Variants in SLC4A4 observed in about 807,000 individuals in gnomAD.
SLC4A4 encodes the protein solute carrier family 4 member 4.
SLC4A4 carries 27 observed loss-of-function variants against 111.5 expected under a neutral mutation model. That is an observed-to-expected ratio of 0.24 (90% CI 0.18 to 0.33). The LOEUF (loss-of-function observed/expected upper bound fraction) is 0.33. Ranked by LOEUF, SLC4A4 falls within the 10% of genes least tolerant of loss-of-function variation. The pLI, the probability that SLC4A4 is intolerant of heterozygous loss-of-function variation, is 1.00. For synonymous variants in SLC4A4, 443 were observed against 463.4 expected, an observed-to-expected ratio of 0.96 and a Z score of 0.57; for missense variants, 909 against 1,315.5, an observed-to-expected ratio of 0.69 and a Z score of 4.78.
chr4:71,169,450 G>A (rs141237226), intron 2 of SLC4A4, among the ~76,000 whole-genome samples: 2 of 152,104 alleles, frequency 1.3e-5, no homozygotes, highest in African/African-American at 2.4e-5. Flanking sequence ...TCTGATGATC[G>A]ATGATGTCGA....
At chr4:71,252,444 A>G (rs1721131931) in intron 2 of SLC4A4, among the ~76,000 whole-genome samples, 2 of 152,186 alleles carry the variant, frequency 1.3e-5, no homozygotes, top group African/African-American at 4.8e-5. Flanking sequence ...TTGCTTAACC[A>G]TGGAACTATG....
intron 2 of SLC4A4, among the ~76,000 whole-genome samples, chr4:71,106,997 A>T (rs1326260756): frequency 1.3e-5 from 2 of 151,922 alleles, no homozygotes; most frequent in African/African-American, 4.8e-5. Flanking sequence ...AAATTAAAAA[A>T]AAAATAAAGT....
chr4:71,096,673 A>C (rs1448395317), intron 2 of SLC4A4, among the ~76,000 whole-genome samples: 1 of 152,196 alleles, frequency 6.6e-6, no homozygotes, highest in Non-Finnish European at 1.5e-5. Flanking sequence ...CTGACAGGAC[A>C]CTGTGGAATT....
chr4:71,357,142 A>G lies in SLC4A4; in HGVS notation c.685A>G (p.Lys229Glu). 1 of 1,614,200 alleles carries G rather than the reference A, an allele frequency of 6.2e-7. No homozygotes were observed. Among genetic ancestry groups the G allele is most frequent in the Non-Finnish European group, 8.5e-7 (1 of 1,180,030 alleles). ...CCTTCGGTCCCTGGCTGACATTGGG[A>G]AGACAGTCTCCAGTGCAAGTAGGAT... ...SNLRSLADIG[K>E]TVSSASRMFT... Residue 229 changes from lysine to glutamate, a missense_variant, in exon 6 of 26, where the codon AAG (lysine) becomes GAG (glutamate). Transcript: ENST00000264485.
intron 16 of SLC4A4, among the ~76,000 whole-genome samples, chr4:71,519,129 A>G (rs759626163): frequency 1.3e-4 from 20 of 152,186 alleles, no homozygotes; most frequent in Non-Finnish European, 2.6e-4. Flanking sequence ...AAGTATTTTA[A>G]TCAGTGCCTA....
chr4:71,078,252 G>C (rs913313825), intron 1 of SLC4A4, among the ~76,000 whole-genome samples: 1 of 151,982 alleles, frequency 6.6e-6, no homozygotes, highest in African/African-American at 2.4e-5. Flanking sequence ...TTATTTGCCA[G>C]ACATTAGCCA....
At chr4:71,176,625 G>C (rs1745103568) in intron 2 of SLC4A4, among the ~76,000 whole-genome samples, 1 of 152,142 alleles carries the variant, frequency 6.6e-6, no homozygotes, top group Non-Finnish European at 1.5e-5. Context: ...GAGAAGTTTA[G>C]AGAAAAAAGA....
At position 71,333,098 on chromosome 4, in the gene SLC4A4, A is replaced by G. The variant is rs1728150125; in HGVS notation, c.254-6272A>G. ...TGTATATATTTGTCAATGTCTGAGCATTGAAGAGTTAGGTATTTATTGTAG... is the reference window on the plus strand; with the variant it reads ...TGTATATATTTGTCAATGTCTGAGCGTTGAAGAGTTAGGTATTTATTGTAG... On this transcript the variant is annotated intron_variant, in intron 3 of 25. Coordinates refer to ENST00000264485, the MANE Select transcript of SLC4A4 (RefSeq NM_001098484.3). Among the ~76,000 whole-genome samples, 3 of 152,188 alleles carry G rather than the reference A, an allele frequency of 2.0e-5. 1 individual carries two copies. Among genetic ancestry groups the G allele is most frequent in the African/African-American group, 7.2e-5 (3 of 41,458 alleles).
chr4:71,196,537 G>C (rs1023909689), intron 1 of SLC4A4, among the ~76,000 whole-genome samples: 1 of 152,006 alleles, frequency 6.6e-6, no homozygotes, highest in Non-Finnish European at 1.5e-5. Flanking sequence ...CAGTTGAATT[G>C]ATCACTTTAT....
At chr4:71,160,454 C>T (rs1443422348) in intron 2 of SLC4A4, among the ~76,000 whole-genome samples, 1 of 151,886 alleles carries the variant, frequency 6.6e-6, no homozygotes, top group Non-Finnish European at 1.5e-5. Flanking sequence ...GAGCTATTCT[C>T]ATGTGGAACG....
chr4:71,284,786 T>C (rs948474943), intron 3 of SLC4A4, among the ~76,000 whole-genome samples: 2 of 152,214 alleles, frequency 1.3e-5, no homozygotes, highest in African/African-American at 4.8e-5. Context: ...TTCTTTTATA[T>C]ATCTGTATTC....
At chr4:71,228,911 G>A (rs1004866535) in intron 1 of SLC4A4, among the ~76,000 whole-genome samples, 5 of 152,074 alleles carry the variant, frequency 3.3e-5, no homozygotes, top group African/African-American at 1.2e-4. Context: ...CACATTTCCT[G>A]TTTTACTTGT....
In SLC4A4 at chr4:71,557,771, C is replaced by T. The variant is rs1736603953; in HGVS notation, c.2823C>T (p.Tyr941=). ...MPLKHQPDFI[Y]LRHVPLRRVH... ...TGAAGCATCAGCCTGACTTCATCTA[C>T]CTGCGTCATGTTCCTCTGCGCAGAG... The change falls in exon 22 of 26, where the codon TAC becomes TAT. Residue 941 remains tyrosine, a synonymous_variant. Transcript: ENST00000264485. The T allele has an allele frequency of 6.2e-7, 1 of 1,612,666 alleles. No homozygotes were observed. Among genetic ancestry groups the T allele is most frequent in the African/African-American group, 1.3e-5 (1 of 74,812 alleles).
chr4:71,261,400 T>C (rs1651577082), intron 3 of SLC4A4, among the ~76,000 whole-genome samples: 1 of 152,226 alleles, frequency 6.6e-6, no homozygotes, highest in Non-Finnish European at 1.5e-5. Flanking sequence ...TTTCTTTGTG[T>C]TTCTTTGTGA....
chr4:71,111,779 C>T (rs539127380), intron 2 of SLC4A4, among the ~76,000 whole-genome samples: 38 of 152,012 alleles, frequency 2.5e-4, no homozygotes, highest in African/African-American at 8.0e-4. Context: ...TCACTGCAAC[C>T]TCTGCCTCCC....
chr4:71,254,884 A>G (rs1428096017), intron 2 of SLC4A4, among the ~76,000 whole-genome samples: 2 of 152,114 alleles, frequency 1.3e-5, no homozygotes, highest in Non-Finnish European at 2.9e-5. Context: ...TAAGAGATAC[A>G]TGCTTAAGGT....
Position 71,187,270 on chromosome 4 carries a change from G to C in SLC4A4, c.-133G>C, listed in dbSNP as rs1745503632. 6.5e-6 allele frequency: 1 copy of C among 153,772 alleles called. No individual in the cohort carries two copies. The highest frequency in any genetic ancestry group is 1.8e-4 in the South Asian group (1 of 5,680). 9.5% of individuals were successfully genotyped at this position (153,772 alleles called of 1,614,324 possible). The stretch of plus-strand genomic sequence containing the variant: ...CAGCCTCCAACCCCGGCGGCGCGCC[G>C]GGCAGCGCTTCGGTGGCGGCGGCGG... On this transcript the variant is annotated 5_prime_UTR_variant, in exon 1 of 26. Transcript: ENST00000264485.
At chr4:71,341,281 C>T (rs1167526583) in intron 4 of SLC4A4, among the ~76,000 whole-genome samples, 1 of 152,020 alleles carries the variant, frequency 6.6e-6, no homozygotes, top group Non-Finnish European at 1.5e-5. Context: ...TAATATAATA[C>T]CTTACAATAT....
intron 16 of SLC4A4, among the ~76,000 whole-genome samples, chr4:71,504,729 C>A (rs1662929508): frequency 6.6e-6 from 1 of 150,744 alleles, no homozygotes; most frequent in African/African-American, 2.4e-5. Flanking sequence ...AATATCCAAC[C>A]TCTATTCTAA....
Sources: allele counts gnomAD v4.1 joint callset (sites outside exome capture counted in the v4.1 genomes callset), GRCh38; gene constraint gnomAD v4.1.1; transcripts MANE v1.5; gene names NCBI Gene and HGNC (gene_info 2026-07-23, HGNC 2026-07-21).